The following FGD2 variants were observed in gnomAD, a reference collection of about 807,000 sequenced individuals.
FGD2 encodes FYVE, RhoGEF and PH domain-containing protein 2.
Under a neutral mutation model 75.9 loss-of-function variants are expected in FGD2, and 52 were observed. That is an observed-to-expected ratio of 0.69 (90% CI 0.55 to 0.86). FGD2 has a LOEUF of 0.86. FGD2 is among the 40% of genes least tolerant of loss of function. The pLI is 0.00. For missense variants in FGD2, 790 were observed against 872.0 expected (o/e 0.91, Z 1.18); for synonymous variants, 347 against 348.6 (o/e 1.00, Z 0.05).
chr6:37,019,179 G>A (rs1765447162), intron 9 of FGD2, among the ~76,000 whole-genome samples: 1 of 152,180 alleles, frequency 6.6e-6, no homozygotes, highest in Non-Finnish European at 1.5e-5. Context: ...CACCTGGGCA[G>A]GCCAGGACCA....
At position 37,027,550 on chromosome 6, in the gene FGD2, T is replaced by C; in HGVS notation, c.1727T>C (p.Val576Ala). Residue 576 changes from valine to alanine, a missense_variant, in exon 15 of 16, where the codon GTG becomes GCG. Physicochemically the swap from Val to Ala is moderately conservative, Grantham distance 64. Transcript: ENST00000274963. ...WCVIPRDDPLVLYVYAAPQDM... is the reference protein window; with the variant it reads ...WCVIPRDDPLALYVYAAPQDM... ...GTGATCCCTCGGGATGACCCCCTCG[T>C]GCTCTATGTCTATGCTGCCCCTCAG... The C allele has an allele frequency of 6.2e-7, 1 of 1,614,072 alleles. No individual in the cohort carries two copies. Among genetic ancestry groups the C allele is most frequent in the Admixed American group, 1.7e-5 (1 of 60,026 alleles).
intron 9 of FGD2, among the ~76,000 whole-genome samples, chr6:37,017,811 GC>G (rs1765375687): frequency 6.6e-6 from 1 of 152,178 alleles, no homozygotes; most frequent in Non-Finnish European, 1.5e-5. Context: ...CCCCACCCCT[GC>G]TCCTGACTGG....
At chr6:37,012,499 C>CT (rs761313682) in intron 4 of FGD2, among the ~76,000 whole-genome samples, 17 of 151,816 alleles carry the variant, frequency 1.1e-4, no homozygotes, top group Admixed American at 3.3e-4. Context: ...ATCACTTGAG[C>CT]TTAAGAGTTT....
chr6:37,008,934 G>T lies in FGD2; in HGVS notation c.169G>T (p.Val57Phe), dbSNP rs138397340. The T allele has an allele frequency of 6.8e-6, 11 of 1,614,136 alleles. No individual in the cohort carries two copies. Among genetic ancestry groups the T allele is most frequent in the Non-Finnish European group, 9.3e-6 (11 of 1,180,054 alleles). The change falls in exon 2 of 16, where the codon GTC becomes TTC. Residue 57 changes from valine (V) to phenylalanine (F), a missense_variant. Physicochemically the swap from Val to Phe is conservative, Grantham distance 50. Coordinates refer to ENST00000274963, the MANE Select transcript of FGD2 (RefSeq NM_173558.4). ...CCCAGGACCACGGGAGAAGACGAAT[G>T]TCGGGGAGGCCGTGGGGTCTGAGCC... Reference protein sequence around the residue: ...ESPGPREKTNVGEAVGSEPRT... With the variant: ...ESPGPREKTNFGEAVGSEPRT...
intron 14 of FGD2, among the ~76,000 whole-genome samples, chr6:37,027,209 G>C: frequency 1.3e-5 from 2 of 152,216 alleles, no homozygotes; most frequent in South Asian, 4.2e-4. Flanking sequence ...GCACACACGC[G>C]ACAGGTTCAG....
Position 37,005,845 on chromosome 6 carries a change from G to T in FGD2, c.28G>T (p.Ala10Ser). Residue 10 changes from alanine to serine, a missense_variant, in exon 1 of 16, where the codon GCA becomes TCA. Physicochemically the swap from Ala to Ser is moderately conservative, Grantham distance 99. Coordinates refer to ENST00000274963, the MANE Select transcript of FGD2 (RefSeq NM_173558.4). MKGASEEKLASVSNLVTVFE... is the reference protein window; with the variant it reads MKGASEEKLSSVSNLVTVFE... Reference sequence around the variant, plus strand: ...GAAGGGGGCAAGTGAGGAGAAGCTGGCATCTGTGTCCAACCTGGTCACTGT... The same window carrying T: ...GAAGGGGGCAAGTGAGGAGAAGCTGTCATCTGTGTCCAACCTGGTCACTGT... The T allele has an allele frequency of 6.2e-7, 1 of 1,613,958 alleles. No homozygotes were observed. Among genetic ancestry groups the T allele is most frequent in the Non-Finnish European group, 8.5e-7 (1 of 1,179,970 alleles).
intron 2 of FGD2, 36 bp from the exon 3 acceptor site, chr6:37,010,937 C>G (rs757893984): frequency 2.9e-5 from 46 of 1,605,070 alleles, no homozygotes; most frequent in Non-Finnish European, 3.8e-5. Context: ...CTGTCTTCCC[C>G]CTTTTTCTCC....
chr6:37,019,035 G>A (rs894953493), intron 9 of FGD2, among the ~76,000 whole-genome samples: 7 of 152,172 alleles, frequency 4.6e-5, no homozygotes, highest in Admixed American at 3.9e-4. Flanking sequence ...CAGGTCAGGA[G>A]CCCCCAGTTC....
chr6:37,014,598 A>T, intron 6 of FGD2, 48 bp from the exon 7 acceptor site: 2 of 1,606,646 alleles, frequency 1.2e-6, no homozygotes, highest in Non-Finnish European at 1.7e-6. Context: ...TGCCCCAGCC[A>T]CCAGCCCTAG....
intron 14 of FGD2, 120 bp from the exon 15 acceptor site, chr6:37,027,309 C>T: frequency 3.3e-6 from 4 of 1,214,298 alleles, no homozygotes. Context: ...CCTCAAGGAC[C>T]AAGGACCCCT....
At position 37,028,615 on chromosome 6, in the gene FGD2, C is replaced by CTTCTTTTTT. The variant is rs781196997; in HGVS notation, c.*454_*455insCTTTTTTTT. 2.4e-3 allele frequency: 189 copies of CTTCTTTTTT among 79,010 alleles called. 11 individuals are homozygous for CTTCTTTTTT. The highest frequency in any genetic ancestry group is 0.01 in the African/African-American group (183 of 18,152). 4.9% of individuals were successfully genotyped at this position (79,010 alleles called of 1,614,324 possible). ...GGCTGAGTTGGGGGAGGCATGGGGT[C>CTTCTTTTTT]TTTTTTTTTTTTTTTTTGAGACAGA... On this transcript the variant is annotated 3_prime_UTR_variant, in exon 16 of 16. Coordinates refer to ENST00000274963, the MANE Select transcript of FGD2 (RefSeq NM_173558.4).
chr6:37,020,791 T>C, intron 11 of FGD2, 52 bp downstream of exon 11: 2 of 1,548,744 alleles, frequency 1.3e-6, no homozygotes, highest in Non-Finnish European at 8.7e-7. Flanking sequence ...CTTTCTTTTT[T>C]CTTTTTTTCT....
chr6:37,013,928 C>A (rs867502871), intron 5 of FGD2, 34 bp from the exon 6 acceptor site: 1 of 1,606,232 alleles, frequency 6.2e-7, no homozygotes, highest in African/African-American at 1.3e-5. Context: ...CCTTCTCTCA[C>A]CCTCTCCGTG....
chr6:37,014,232 C>A (rs1765166090), intron 6 of FGD2, 132 bp downstream of exon 6: 1 of 1,099,750 alleles, frequency 9.1e-7, no homozygotes, highest in Non-Finnish European at 1.3e-6. Context: ...TCATAGACAT[C>A]ATCCATACCA....
chr6:37,016,197 CAGG>C (rs755337292), intron 9 of FGD2, among the ~76,000 whole-genome samples: 7 of 152,186 alleles, frequency 4.6e-5, no homozygotes, highest in Non-Finnish European at 7.3e-5. Flanking sequence ...GGTTCTGAAT[CAGG>C]AGGTCTGGGT....
rs1210366055 is a variant in FGD2 at position 37,009,195 on chromosome 6, G to T, written c.300+130G>T. ...GGGGGTATGGTGTGATCAGAGGTCA[G>T]CTGGGAGCTAGATTTCCCCATGCTT... On this transcript the variant is annotated intron_variant, in intron 2 of 15. Coordinates refer to ENST00000274963, the MANE Select transcript of FGD2 (RefSeq NM_173558.4). The T allele has an allele frequency of 1.3e-5, 11 of 822,250 alleles. No homozygotes were observed. The East Asian group carries it at 3.0e-4, about 22-fold the overall frequency. 50.9% of individuals were successfully genotyped at this position (822,250 alleles called of 1,614,324 possible). A position where few individuals can be genotyped will look rare whatever the true frequency, so the allele number is the denominator to read the frequency against.
At chr6:37,011,206 G>A (rs990366081) in intron 3 of FGD2, 156 bp downstream of exon 3, 45 of 698,536 alleles carry the variant, frequency 6.4e-5, no homozygotes, top group Non-Finnish European at 1.0e-4. Context: ...GCTGGGGTTG[G>A]GGTAGAATCA....
In FGD2 at chr6:37,008,171, G is replaced by T. The variant is rs1474058140; in HGVS notation, c.69-663G>T. ...GCCTGTCTTTCTCATAAGGATGCCTGCCCTGTTCTGTCATCACAAGCCCTT... is the reference window on the plus strand; with the variant it reads ...GCCTGTCTTTCTCATAAGGATGCCTTCCCTGTTCTGTCATCACAAGCCCTT... On this transcript the variant is annotated intron_variant, in intron 1 of 15. Transcript: ENST00000274963. 2.6e-5 allele frequency among the ~76,000 whole-genome samples: 4 copies of T among 152,210 alleles called. No individual in the cohort carries two copies. The East Asian group carries it at 7.7e-4, about 29-fold the overall frequency.
chr6:37,006,034 GGA>G, intron 1 of FGD2, 149 bp downstream of exon 1: 1 of 882,624 alleles, frequency 1.1e-6, no homozygotes, highest in Non-Finnish European at 1.8e-6. Context: ...TTGGAGCATG[GGA>G]GAGTGTCGGT....
Sources: allele counts gnomAD v4.1 joint callset (sites outside exome capture counted in the v4.1 genomes callset), GRCh38; gene constraint gnomAD v4.1.1; transcripts MANE v1.5; gene names NCBI Gene and HGNC (gene_info 2026-07-23, HGNC 2026-07-21).